The following FSTL4 variants were observed in gnomAD, a reference collection of about 807,000 sequenced individuals.
FSTL4 encodes follistatin-related protein 4.
FSTL4 carries 28 observed loss-of-function variants against 78.2 expected under a neutral mutation model. The ratio of observed to expected loss-of-function variants is 0.36; its 90% CI spans 0.27 to 0.49. The LOEUF is 0.49. Ranked by LOEUF, FSTL4 falls within the 20% of genes least tolerant of loss-of-function variation. The pLI, the probability that FSTL4 is intolerant of heterozygous loss-of-function variation, is 0.98. For synonymous variants in FSTL4, 422 were observed against 440.5 expected (o/e 0.96, Z 0.53); for missense variants, 922 against 1,084.9 (o/e 0.85, Z 2.11).
chr5:133,225,122 T>C lies in FSTL4; in HGVS notation c.1312+28A>G, dbSNP rs1478682834. On this transcript the variant is annotated intron_variant, in intron 10 of 15. Transcript: ENST00000265342. The surrounding 1 kb of genome is among the most constrained non-coding windows in gnomAD (Gnocchi z 4.6). ...ACCCAACACCTCCCAGCCAGCTCAG[T>C]GAGAAGCATAAACGCGTGTCGACTT... is the stretch of plus-strand genomic sequence containing the variant. 1.2e-6 allele frequency: 2 copies of C among 1,613,494 alleles called. No homozygotes were observed. Among genetic ancestry groups the C allele is most frequent in the African/African-American group, 1.3e-5 (1 of 75,020 alleles).
the FSTL4 span, among the ~76,000 whole-genome samples, chr5:133,674,605 G>C: frequency 6.7e-6 from 1 of 149,176 alleles, no homozygotes; most frequent in African/African-American, 2.5e-5. Context: ...GTGTGTGTGT[G>C]TGTGTCTGTG....
At chr5:133,509,472 G>C (rs912874205) in intron 3 of FSTL4, among the ~76,000 whole-genome samples, 1 of 152,130 alleles carries the variant, frequency 6.6e-6, no homozygotes, top group Non-Finnish European at 1.5e-5. Flanking sequence ...ATTTCAGCCA[G>C]CACCCAGAAT....
chr5:133,666,616 G>A, the FSTL4 span, among the ~76,000 whole-genome samples: 1 of 151,550 alleles, frequency 6.6e-6, no homozygotes, highest in Non-Finnish European at 1.5e-5. Flanking sequence ...GAACCCTGGT[G>A]GCTTTAACAC....
chr5:133,749,755 G>A, the FSTL4 span, among the ~76,000 whole-genome samples: 2 of 152,126 alleles, frequency 1.3e-5, no homozygotes, highest in Non-Finnish European at 2.9e-5. Context: ...TCCCTCCCAC[G>A]ATCACTGCCA....
intron 2 of FSTL4, among the ~76,000 whole-genome samples, chr5:133,575,632 T>C (rs529987790): frequency 6.6e-6 from 1 of 152,258 alleles, no homozygotes; most frequent in Admixed American, 6.5e-5. Flanking sequence ...AATCCATCTT[T>C]CCAGTGCTTA....
At chr5:133,427,372 C>T (rs1312920374) in intron 3 of FSTL4, among the ~76,000 whole-genome samples, 1 of 152,174 alleles carries the variant, frequency 6.6e-6, no homozygotes, top group African/African-American at 2.4e-5. Flanking sequence ...AGGATGTAGC[C>T]CCTTTTGGCA....
chr5:133,769,901 T>G, the FSTL4 span, among the ~76,000 whole-genome samples: 1 of 152,196 alleles, frequency 6.6e-6, no homozygotes, highest in African/African-American at 2.4e-5. Flanking sequence ...TTCCACTCTA[T>G]ACATCCATGG....
chr5:133,210,405 C>T (rs1339504663), intron 13 of FSTL4, 107 bp from the exon 14 acceptor site: 1 of 575,764 alleles, frequency 1.7e-6, no homozygotes, highest in Non-Finnish European at 3.1e-6. Flanking sequence ...GTCTAGAAGC[C>T]TTGCCAATGG....
intron 3 of FSTL4, among the ~76,000 whole-genome samples, chr5:133,534,115 C>T (rs1284273641): frequency 6.6e-6 from 1 of 151,348 alleles, no homozygotes; most frequent in East Asian, 1.9e-4. Context: ...TCAAAGAACC[C>T]ATCACCTGGA....
At chr5:133,365,851 G>A (rs961942280) in intron 4 of FSTL4, among the ~76,000 whole-genome samples, 10 of 152,190 alleles carry the variant, frequency 6.6e-5, no homozygotes, top group Non-Finnish European at 1.5e-4. Context: ...CCAGGGCCAC[G>A]GGTATTAACA....
intron 4 of FSTL4, among the ~76,000 whole-genome samples, chr5:133,335,738 C>G (rs1346094151): frequency 3.9e-5 from 6 of 151,950 alleles, no homozygotes; most frequent in Non-Finnish European, 8.8e-5. Context: ...ATTAACTGCC[C>G]TATAAAGCTG....
At chr5:133,666,660 T>C in the FSTL4 span, among the ~76,000 whole-genome samples, 2 of 152,162 alleles carry the variant, frequency 1.3e-5, no homozygotes, top group African/African-American at 4.8e-5. Context: ...CACAAGAACC[T>C]GCTCGTGCGA....
chr5:133,465,897 A>G (rs1757697160), intron 3 of FSTL4, among the ~76,000 whole-genome samples: 1 of 152,262 alleles, frequency 6.6e-6, no homozygotes, highest in African/African-American at 2.4e-5. Context: ...TGAAGGCTCA[A>G]CATCGTGGCT....
At chr5:133,685,838 G>A in the FSTL4 span, among the ~76,000 whole-genome samples, 1 of 152,188 alleles carries the variant, frequency 6.6e-6, no homozygotes, top group Non-Finnish European at 1.5e-5. Flanking sequence ...CCTTAAAATC[G>A]CACACCCTCA....
chr5:133,675,458 C>A, the FSTL4 span, among the ~76,000 whole-genome samples: 1 of 152,234 alleles, frequency 6.6e-6, no homozygotes, highest in Admixed American at 6.5e-5. Flanking sequence ...ACGGCTGGGC[C>A]TCTTGTTCCC....
At chr5:133,644,648 A>C in the FSTL4 span, among the ~76,000 whole-genome samples, 3 of 152,270 alleles carry the variant, frequency 2.0e-5, no homozygotes, top group East Asian at 5.8e-4. Context: ...GTTCACTTAC[A>C]TCAGACCAAG....
At chr5:133,837,498 T>C in the FSTL4 span, among the ~76,000 whole-genome samples, 1 of 152,218 alleles carries the variant, frequency 6.6e-6, no homozygotes, top group Non-Finnish European at 1.5e-5. Context: ...ATAATGTGAG[T>C]TTCTGGATGA....
the FSTL4 span, among the ~76,000 whole-genome samples, chr5:133,752,618 TAAAA>T: frequency 2.0e-5 from 3 of 150,710 alleles, no homozygotes; most frequent in African/African-American, 7.4e-5. Flanking sequence ...TCAAATAAAA[TAAAA>T]TAAAATTAAA....
intron 3 of FSTL4, among the ~76,000 whole-genome samples, chr5:133,499,397 C>G (rs1467306036): frequency 6.6e-6 from 1 of 151,586 alleles, no homozygotes; most frequent in Non-Finnish European, 1.5e-5. Context: ...CACACACACA[C>G]ACACACACAC....
Sources: allele counts gnomAD v4.1 joint callset (sites outside exome capture counted in the v4.1 genomes callset), GRCh38; gene constraint gnomAD v4.1.1; non-coding constraint Gnocchi (gnomAD v3.1); transcripts MANE v1.5; gene names NCBI Gene and HGNC (gene_info 2026-07-23, HGNC 2026-07-21).